MICOS10: variants seen among roughly 807,000 people sequenced by gnomAD.
MICOS10 encodes mitochondrial contact site and cristae organizing system subunit 10.
MICOS10 carries 5 observed loss-of-function variants against 13.4 expected under a neutral mutation model. That is an observed-to-expected ratio of 0.37 (90% CI 0.20 to 0.78). MICOS10 has a LOEUF of 0.78. MICOS10 is among the 30% of genes least tolerant of loss of function. The pLI is 0.47. For synonymous variants in MICOS10, 35 were observed against 33.6 expected, an observed-to-expected ratio of 1.04 and a Z score of -0.15; for missense variants, 101 against 94.6, an observed-to-expected ratio of 1.07 and a Z score of -0.28.
intron 1 of MICOS10, among the ~76,000 whole-genome samples, chr1:19,609,902 T>C (rs944662736): frequency 1.3e-5 from 2 of 152,190 alleles, no homozygotes; most frequent in African/African-American, 4.8e-5. Context: ...CCCAGCACTT[T>C]GGGTAGCCGA....
At position 19,602,522 on chromosome 1, in the gene MICOS10, A is replaced by T. The variant is rs138562880; in HGVS notation, c.64+5413A>T. Among the ~76,000 whole-genome samples, 9 of 152,322 alleles carry T rather than the reference A, an allele frequency of 5.9e-5. No individual in the cohort carries two copies. In the East Asian group the frequency reaches 1.7e-3, roughly 29 times the overall value. On this transcript the variant is annotated intron_variant, in intron 1 of 3. Coordinates refer to ENST00000322753, the MANE Select transcript of MICOS10 (RefSeq NM_001032363.4). Reference sequence around the variant, plus strand: ...CTTTTGTATTTAAACAAGTAGAGGGATGATGTTGGTTTAAGTGGTAGTGCC... The same window carrying T: ...CTTTTGTATTTAAACAAGTAGAGGGTTGATGTTGGTTTAAGTGGTAGTGCC...
Position 19,627,266 on chromosome 1 carries a change from T to G in MICOS10, c.*865T>G, listed in dbSNP as rs1279926993. ...ATTTTAGCAATTTCTTCAGACGATA[T>G]ACAGAACCCCAGCGCTCAGCCGTTC... On this transcript the variant is annotated 3_prime_UTR_variant, in exon 4 of 4. Transcript: ENST00000322753. The G allele has an allele frequency of 1.3e-5, 2 of 152,234 alleles. No individual in the cohort carries two copies. Among genetic ancestry groups the G allele is most frequent in the Admixed American group, 6.5e-5 (1 of 15,276 alleles). The allele number at this position is 152,234 out of a possible 1,614,324, so 9.4% of individuals were successfully genotyped here.
At chr1:19,598,735 TTCTC>T (rs1395853331) in intron 1 of MICOS10, among the ~76,000 whole-genome samples, 2 of 152,138 alleles carry the variant, frequency 1.3e-5, no homozygotes, top group Non-Finnish European at 2.9e-5. Flanking sequence ...TAAAGTCTCT[TTCTC>T]AACTACGAAA....
chr1:19,610,254 G>A (rs1558341513), intron 1 of MICOS10, among the ~76,000 whole-genome samples: 1 of 151,658 alleles, frequency 6.6e-6, no homozygotes, highest in East Asian at 1.9e-4. Flanking sequence ...AGTATGAAAG[G>A]GAAAGAAAGG....
rs12092987 is a variant in MICOS10, at chr1:19,601,232, G to A, written c.64+4123G>A. 1,071 of 340,556 alleles carry A rather than the reference G, an allele frequency of 3.1e-3. 5 individuals are homozygous for A. Among genetic ancestry groups the A allele is most frequent in the African/African-American group, 0.021 (986 of 46,636 alleles). The allele number at this position is 340,556 out of a possible 1,614,324, so 21.1% of individuals were successfully genotyped here. A position where few individuals can be genotyped will look rare whatever the true frequency, so the allele number is the denominator to read the frequency against. Reference sequence around the variant, plus strand: ...GAAAATTATCATATGATTTTGTCCTGTAGGAAGAGGCATTTATTTATAAAT... The same window carrying A: ...GAAAATTATCATATGATTTTGTCCTATAGGAAGAGGCATTTATTTATAAAT... On this transcript the variant is annotated intron_variant, in intron 1 of 3. Coordinates refer to ENST00000322753, the MANE Select transcript of MICOS10 (RefSeq NM_001032363.4).
intron 1 of MICOS10, among the ~76,000 whole-genome samples, chr1:19,603,908 T>G (rs1346370582): frequency 6.6e-6 from 1 of 152,158 alleles, no homozygotes; most frequent in African/African-American, 2.4e-5. Context: ...AAGACTGTCC[T>G]GGCAAGCCAG....
At position 19,626,649 on chromosome 1, in the gene MICOS10, T is replaced by C; in HGVS notation, c.*248T>C. On this transcript the variant is annotated 3_prime_UTR_variant, in exon 4 of 4. Coordinates refer to ENST00000322753, the MANE Select transcript of MICOS10 (RefSeq NM_001032363.4). ...GAGGAAGTCCATTGCATGGCCTTTG[T>C]TTCTTCACCTTTGGTCTCTGAGCAT... The C allele has an allele frequency of 2.1e-6, 1 of 487,298 alleles. No individual in the cohort carries two copies. Among genetic ancestry groups the C allele is most frequent in the East Asian group, 3.7e-5 (1 of 27,180 alleles). The allele number at this position is 487,298 out of a possible 1,614,324, so 30.2% of individuals were successfully genotyped here.
At chr1:19,600,892 C>T (rs1409833830) in intron 1 of MICOS10, 1 of 1,289,356 alleles carries the variant, frequency 7.8e-7, no homozygotes, top group East Asian at 5.5e-5. Context: ...TGAGCCACCA[C>T]ACCTGGTCCA....
At chr1:19,616,976 A>C (rs1346267129) in intron 1 of MICOS10, among the ~76,000 whole-genome samples, 3 of 152,114 alleles carry the variant, frequency 2.0e-5, no homozygotes, top group South Asian at 2.1e-4. Context: ...ATTAATCTTC[A>C]GAGCTGCTTC....
chr1:19,628,837 T>A lies in MICOS10; in HGVS notation c.*2436T>A, dbSNP rs1403105773. ...CTAGACACATTAGAAAAATAGGGAG[T>A]GGAGAGGGGCATTGGAATGAAAGTT... On this transcript the variant is annotated 3_prime_UTR_variant, in exon 4 of 4. Transcript: ENST00000322753. 4 of 150,298 alleles carry A rather than the reference T, an allele frequency of 2.7e-5. No homozygotes were observed. Among genetic ancestry groups the A allele is most frequent in the East Asian group, 3.9e-4 (2 of 5,094 alleles). 9.3% of individuals were successfully genotyped at this position (150,298 alleles called of 1,614,324 possible).
Position 19,623,529 on chromosome 1 carries a change from C to G in MICOS10, c.168C>G (p.Ser56=). The G allele has an allele frequency of 6.2e-7, 1 of 1,613,438 alleles. No homozygotes were observed. Among genetic ancestry groups the G allele is most frequent in the Non-Finnish European group, 8.5e-7 (1 of 1,179,768 alleles). The part of the protein sequence containing the change: ...GSGMGLGMAY[S]NCQHDFQAPY... ...GCATGGGATTAGGAATGGCTTATTC[C>G]AACTGTCAGCATGATTTCCAGGCTC... Residue 56 remains serine (S), a synonymous_variant, in exon 3 of 4, where the codon TCC becomes TCG. Transcript: ENST00000322753.
chr1:19,614,166 C>G (rs967991928), intron 1 of MICOS10, among the ~76,000 whole-genome samples: 5 of 152,000 alleles, frequency 3.3e-5, no homozygotes, highest in African/African-American at 7.3e-5. Flanking sequence ...ACCTCCGCCT[C>G]CCGGGTTCAA....
At chr1:19,599,588 C>T (rs1004470761) in intron 1 of MICOS10, among the ~76,000 whole-genome samples, 1 of 152,024 alleles carries the variant, frequency 6.6e-6, no homozygotes, top group Admixed American at 6.6e-5. Context: ...TGAGGTCATT[C>T]AATAAGAGTG....
At position 19,597,096 on chromosome 1, in the gene MICOS10, G is replaced by A. The variant is rs1309308899; in HGVS notation, c.51G>A (p.Ala17=). The change falls in exon 1 of 4, where the codon GCG becomes GCA. Residue 17 remains alanine, a synonymous_variant. Coordinates refer to ENST00000322753, the MANE Select transcript of MICOS10 (RefSeq NM_001032363.4). The part of the protein sequence containing the change: ...GRKWDRCLAD[A]VVKIGTGFGL... ...AGTGGGACCGGTGTCTGGCGGATGC[G>A]GTCGTGAAGATAGGTAAGGGGCTTT... 1.9e-6 allele frequency: 3 copies of A among 1,600,966 alleles called. No homozygotes were observed. Among genetic ancestry groups the A allele is most frequent in the South Asian group, 2.2e-5 (2 of 89,840 alleles).
At chr1:19,602,569 A>T (rs929909223) in intron 1 of MICOS10, among the ~76,000 whole-genome samples, 2 of 152,252 alleles carry the variant, frequency 1.3e-5, no homozygotes, top group African/African-American at 4.8e-5. Context: ...GCAGGAAATT[A>T]AAAAGGAGTG....
chr1:19,621,743 T>C (rs1422207837), intron 1 of MICOS10, among the ~76,000 whole-genome samples: 1 of 152,178 alleles, frequency 6.6e-6, no homozygotes, highest in African/African-American at 2.4e-5. Context: ...ATCTCATGTT[T>C]TGGCTGTGGT....
chr1:19,614,438 C>T (rs1000982177), intron 1 of MICOS10: 1 of 151,360 alleles, frequency 6.6e-6, no homozygotes, highest in Non-Finnish European at 1.5e-5. Context: ...TCACTCTCCT[C>T]TCTCTCTTAG....
At chr1:19,625,507 A>AG in intron 3 of MICOS10, 4 of 1,289,436 alleles carry the variant, frequency 3.1e-6, no homozygotes, top group Non-Finnish European at 4.0e-6. Flanking sequence ...ACCATGCAAG[A>AG]AGAGGCGCAG....
In MICOS10 at chr1:19,597,029, A is replaced by C; in HGVS notation, c.-17A>C. 1 of 1,575,564 alleles carries C rather than the reference A, an allele frequency of 6.3e-7. No individual in the cohort carries two copies. Among genetic ancestry groups the C allele is most frequent in the Non-Finnish European group, 8.6e-7 (1 of 1,164,624 alleles). ...GGGGGCCGGCCGAGAGGAAAGCTGGAGGCGCGGGTGGGGAACATGTCTGAG... is the reference window on the plus strand; with the variant it reads ...GGGGGCCGGCCGAGAGGAAAGCTGGCGGCGCGGGTGGGGAACATGTCTGAG... On this transcript the variant is annotated 5_prime_UTR_variant, in exon 1 of 4. Transcript: ENST00000322753.
Sources: allele counts gnomAD v4.1 joint callset (sites outside exome capture counted in the v4.1 genomes callset), GRCh38; gene constraint gnomAD v4.1.1; transcripts MANE v1.5; gene names NCBI Gene and HGNC (gene_info 2026-07-23, HGNC 2026-07-21).